KIAA1549: variants seen among roughly 807,000 people sequenced by gnomAD.
KIAA1549 encodes the protein UPF0606 protein KIAA1549.
In KIAA1549, 70 loss-of-function variants were observed where a neutral mutation model predicts 156.4. The observed-to-expected ratio is 0.45, with a 90% CI of 0.37 to 0.55. The LOEUF is 0.55. Ranked by LOEUF, KIAA1549 falls within the 20% of genes least tolerant of loss-of-function variation. KIAA1549 has a pLI of 0.00. For synonymous variants in KIAA1549, 1,103 were observed against 1,066.4 expected (o/e 1.03, Z -0.67); for missense variants, 2,428 against 2,540.9 (o/e 0.96, Z 0.96).
At chr7:138,893,448 A>C (rs1811598162) in intron 10 of KIAA1549, among the ~76,000 whole-genome samples, 1 of 152,212 alleles carries the variant, frequency 6.6e-6, no homozygotes, top group Admixed American at 6.5e-5. Context: ...AAAGAAACCC[A>C]AACTGGAACC....
At chr7:138,966,531 G>A (rs1328181437) in intron 1 of KIAA1549, among the ~76,000 whole-genome samples, 1 of 152,056 alleles carries the variant, frequency 6.6e-6, no homozygotes, top group African/African-American at 2.4e-5. Context: ...GAAGTTCGAT[G>A]TTCAAGGGCA....
At chr7:138,874,070 T>G (rs1000321728) in intron 12 of KIAA1549, among the ~76,000 whole-genome samples, 18 of 148,118 alleles carry the variant, frequency 1.2e-4, no homozygotes, top group South Asian at 6.3e-4. Context: ...ATATATTACA[T>G]ACTTCTATAT....
At chr7:138,911,065 A>G in intron 4 of KIAA1549, 81 bp downstream of exon 4, 2 of 1,040,498 alleles carry the variant, frequency 1.9e-6, no homozygotes, top group Non-Finnish European at 2.7e-6. Context: ...AATTCTAAAA[A>G]TGATTTCCAA....
At chr7:138,873,548 T>C (rs1810994936) in intron 12 of KIAA1549, among the ~76,000 whole-genome samples, 1 of 145,158 alleles carries the variant, frequency 6.9e-6, no homozygotes, top group African/African-American at 2.6e-5. Context: ...ATCACTTTCC[T>C]CCAGGGTGGC....
intron 1 of KIAA1549, among the ~76,000 whole-genome samples, chr7:138,940,166 C>G (rs574084125): frequency 1.3e-5 from 2 of 151,846 alleles, no homozygotes; most frequent in African/African-American, 4.8e-5. Context: ...CCTCCCCGCT[C>G]CCCCCACCCC....
Position 138,871,075 on chromosome 7 carries a change from C to T in KIAA1549, c.4551+82G>A, listed in dbSNP as rs1040861358. On this transcript the variant is annotated intron_variant, in intron 13 of 19. Coordinates refer to ENST00000422774, the MANE Select transcript of KIAA1549 (RefSeq NM_001164665.2). Reference sequence around the variant, plus strand: ...CAGGCGATCTGCCTGCCTTGGCCCCCCCAAGTGCTGGGATTACAGGCATAA... The same window carrying T: ...CAGGCGATCTGCCTGCCTTGGCCCCTCCAAGTGCTGGGATTACAGGCATAA... 7 of 1,370,288 alleles carry T rather than the reference C, an allele frequency of 5.1e-6. No individual in the cohort carries two copies. The East Asian group carries it at 7.4e-5, about 14-fold the overall frequency. 84.9% of individuals were successfully genotyped at this position (1,370,288 alleles called of 1,614,324 possible).
At chr7:138,897,184 G>T (rs915297512) in intron 9 of KIAA1549, among the ~76,000 whole-genome samples, 1 of 152,190 alleles carries the variant, frequency 6.6e-6, no homozygotes, top group African/African-American at 2.4e-5. Flanking sequence ...CTACAATCAG[G>T]AATCGCATAT....
chr7:138,905,072 T>G lies in KIAA1549; in HGVS notation c.3470A>C (p.Tyr1157Ser), dbSNP rs1811968742. The G allele has an allele frequency of 1.9e-6, 3 of 1,574,058 alleles. No homozygotes were observed. In the East Asian group the frequency reaches 6.9e-5, roughly 36 times the overall value. Residue 1157 changes from tyrosine to serine, a missense_variant, in exon 7 of 20, where the codon TAT becomes TCT. Coordinates refer to ENST00000422774, the MANE Select transcript of KIAA1549 (RefSeq NM_001164665.2). The stretch of plus-strand genomic sequence containing the variant: ...CAACTGAGATAAGTTGAGCTGTGGA[T>G]ACTGGAAGGCTACAAAAGGGAAAGA... Reference protein sequence around the residue: ...PVLQIAEPFQYPQLNLSQLLK... With the variant: ...PVLQIAEPFQSPQLNLSQLLK...
chr7:138,971,077 G>A (rs1317843654), intron 1 of KIAA1549, among the ~76,000 whole-genome samples: 2 of 152,164 alleles, frequency 1.3e-5, no homozygotes, highest in African/African-American at 4.8e-5. Context: ...CAGGACCGCT[G>A]TGGCCTATCT....
chr7:138,898,488 G>A (rs965041044), intron 9 of KIAA1549, among the ~76,000 whole-genome samples: 1 of 151,992 alleles, frequency 6.6e-6, no homozygotes, highest in Non-Finnish European at 1.5e-5. Flanking sequence ...AAAAGGGGAA[G>A]GATCAAGGAC....
Position 138,869,625 on chromosome 7 carries a change from C to CGGTGTCGCTCCTT in KIAA1549, c.4675_4687dup (p.Arg1563GlnfsTer57). ...CTGCATCTGTGCCCTGCGGTACACC[C>CGGTGTCGCTCCTT]GGTGTCGCTCCTTAGTGTCGCCCGA... On this transcript the variant is annotated frameshift_variant, in exon 14 of 20. Coordinates refer to ENST00000422774, the MANE Select transcript of KIAA1549 (RefSeq NM_001164665.2). LOFTEE classifies it high-confidence loss of function. The CGGTGTCGCTCCTT allele has an allele frequency of 6.2e-7, 1 of 1,608,194 alleles. No homozygotes were observed. The highest frequency in any genetic ancestry group is 8.5e-7 in the Non-Finnish European group (1 of 1,178,308).
intron 8 of KIAA1549, among the ~76,000 whole-genome samples, chr7:138,900,154 C>T (rs1231785318): frequency 6.6e-6 from 1 of 152,222 alleles, no homozygotes; most frequent in African/African-American, 2.4e-5. Flanking sequence ...CTGGACACAG[C>T]TGCTGGACCC....
intron 15 of KIAA1549, among the ~76,000 whole-genome samples, chr7:138,864,636 T>G (rs769412762): frequency 6.6e-6 from 1 of 152,228 alleles, no homozygotes; most frequent in Non-Finnish European, 1.5e-5. Flanking sequence ...CGGATTTTGG[T>G]GCCTATTTAG....
intron 1 of KIAA1549, among the ~76,000 whole-genome samples, chr7:138,928,078 G>A (rs1194722452): frequency 6.6e-6 from 1 of 151,418 alleles, no homozygotes; most frequent in African/African-American, 2.4e-5. Context: ...CCACCACCAC[G>A]CCCAGCTAAT....
chr7:138,894,650 TC>T (rs1811635494), intron 9 of KIAA1549, 124 bp from the exon 10 acceptor site: 2 of 839,788 alleles, frequency 2.4e-6, no homozygotes, highest in Non-Finnish European at 3.7e-6. Flanking sequence ...GGTTCCAGGT[TC>T]TAATCTCCTG....
At chr7:138,844,080 G>A (rs1002375389) in intron 18 of KIAA1549, among the ~76,000 whole-genome samples, 1 of 152,168 alleles carries the variant, frequency 6.6e-6, no homozygotes, top group African/African-American at 2.4e-5. Context: ...TTTCCTGGAG[G>A]AAGCGTGCCG....
chr7:138,849,128 T>C (rs541778397), intron 17 of KIAA1549, among the ~76,000 whole-genome samples: 7 of 152,322 alleles, frequency 4.6e-5, no homozygotes, highest in African/African-American at 1.4e-4. Context: ...TATTGATAAT[T>C]TGTTGCACAG....
chr7:138,943,056 C>A (rs1313766500), intron 1 of KIAA1549, among the ~76,000 whole-genome samples: 3 of 152,216 alleles, frequency 2.0e-5, no homozygotes, highest in Non-Finnish European at 2.9e-5. Flanking sequence ...CCAATGTGTG[C>A]CCCTGCAGAC....
Position 138,835,961 on chromosome 7 carries a change from C to A in KIAA1549, c.*1945G>T. On this transcript the variant is annotated 3_prime_UTR_variant, in exon 20 of 20. Coordinates refer to ENST00000422774, the MANE Select transcript of KIAA1549 (RefSeq NM_001164665.2). ...TGGCTACATCTTACCTTCCCAGAACCAACTTCCCTCATATTGTAAGACTCT... is the reference window on the plus strand; with the variant it reads ...TGGCTACATCTTACCTTCCCAGAACAAACTTCCCTCATATTGTAAGACTCT... The A allele has an allele frequency of 4.7e-6, 1 of 212,606 alleles. No homozygotes were observed. Among genetic ancestry groups the A allele is most frequent in the Non-Finnish European group, 9.5e-6 (1 of 105,050 alleles). The allele number at this position is 212,606 out of a possible 1,614,324, so 13.2% of individuals were successfully genotyped here.
Sources: allele counts gnomAD v4.1 joint callset (sites outside exome capture counted in the v4.1 genomes callset), GRCh38; gene constraint gnomAD v4.1.1; transcripts MANE v1.5; gene names NCBI Gene and HGNC (gene_info 2026-07-23, HGNC 2026-07-21).